ADGRB3: variants seen among roughly 807,000 people sequenced by gnomAD.
ADGRB3 encodes the protein brain-specific angiogenesis inhibitor 3.
Under a neutral mutation model 193.4 loss-of-function variants are expected in ADGRB3, and 37 were observed. The ratio of observed to expected loss-of-function variants is 0.19; its 90% CI spans 0.15 to 0.25. The LOEUF (loss-of-function observed/expected upper bound fraction) is 0.25, where lower values mean the gene tolerates loss of function less well. Among genes scored for constraint, ADGRB3 ranks in the 10% least tolerant of loss-of-function variants. The pLI is 1.00. For synonymous variants in ADGRB3, 690 were observed against 644.2 expected (o/e 1.07, Z -1.08); for missense variants, 1,637 against 1,852.9 (o/e 0.88, Z 2.14).
rs184009691 is a variant in ADGRB3 at position 68,964,969 on chromosome 6, C to T, written c.1525+8160C>T. Reference sequence around the variant, plus strand: ...GAATGGACTCAACTATTTGATTGACCATAGGTCCATCATCTCTTAGCTTAG... The same window carrying T: ...GAATGGACTCAACTATTTGATTGACTATAGGTCCATCATCTCTTAGCTTAG... On this transcript the variant is annotated intron_variant, in intron 8 of 31. Coordinates refer to ENST00000370598, the MANE Select transcript of ADGRB3 (RefSeq NM_001704.3). Among the ~76,000 whole-genome samples, 364 of 152,182 alleles carry T rather than the reference C, an allele frequency of 2.4e-3. 12 individuals carry two copies. The highest frequency in any genetic ancestry group is 0.019 in the Admixed American group (288 of 15,278).
At chr6:69,202,345 G>T (rs1368999569) in intron 17 of ADGRB3, among the ~76,000 whole-genome samples, 1 of 152,086 alleles carries the variant, frequency 6.6e-6, no homozygotes. Context: ...ATATGCTGAA[G>T]TGGATCCTGA....
intron 17 of ADGRB3, among the ~76,000 whole-genome samples, chr6:69,119,820 G>A (rs1773635018): frequency 6.6e-6 from 1 of 152,140 alleles, no homozygotes; most frequent in Admixed American, 6.5e-5. Flanking sequence ...CTCTGAAAAA[G>A]TGAAAAGTCA....
Position 68,698,641 on chromosome 6 carries a change from C to G in ADGRB3, c.757+59209C>G, listed in dbSNP as rs192489773. Among the ~76,000 whole-genome samples, 493 of 151,912 alleles carry G rather than the reference C, an allele frequency of 3.2e-3. 3 individuals carry two copies. Among genetic ancestry groups the G allele is most frequent in the African/African-American group, 0.011 (471 of 41,450 alleles). On this transcript the variant is annotated intron_variant, in intron 3 of 31. Coordinates refer to ENST00000370598, the MANE Select transcript of ADGRB3 (RefSeq NM_001704.3). ...TGAGAGTTAGTAATGAGCACAGGAGCCTTTAAAAAATGAACCTGGTAATTT... is the reference window on the plus strand; with the variant it reads ...TGAGAGTTAGTAATGAGCACAGGAGGCTTTAAAAAATGAACCTGGTAATTT...
intron 17 of ADGRB3, among the ~76,000 whole-genome samples, chr6:69,164,114 C>G (rs567171055): frequency 6.6e-6 from 1 of 152,134 alleles, no homozygotes; most frequent in South Asian, 2.1e-4. Context: ...AAAGGAGTCA[C>G]CCTTCTCTTC....
intron 20 of ADGRB3, among the ~76,000 whole-genome samples, chr6:69,267,195 C>T (rs1359427954): frequency 6.6e-6 from 1 of 152,014 alleles, no homozygotes; most frequent in Non-Finnish European, 1.5e-5. Flanking sequence ...CCCTTTTGAT[C>T]AAGATCTTTC....
rs1770020189 is a variant in ADGRB3 at position 69,014,073 on chromosome 6, A to G, written c.1965A>G (p.Glu655=). 1 of 1,604,818 alleles carries G rather than the reference A, an allele frequency of 6.2e-7. No homozygotes were observed. Among genetic ancestry groups the G allele is most frequent in the African/African-American group, 1.3e-5 (1 of 74,544 alleles). ...AAATAGTTAGCAACCTTCTAGATGA[A>G]GAAAACAAGGAAAAATGGGAAGATG... ...FFQIVSNLLD[E]ENKEKWEDAQ... is the part of the protein sequence containing the mutation. The change falls in exon 12 of 32, where the codon GAA becomes GAG. Residue 655 remains glutamate (E), a synonymous_variant. Transcript: ENST00000370598.
intron 3 of ADGRB3, among the ~76,000 whole-genome samples, chr6:68,843,059 A>AAC (rs917624532): frequency 4.2e-4 from 63 of 151,382 alleles, no homozygotes; most frequent in African/African-American, 1.4e-3. Context: ...AACAAAAAAA[A>AAC]AAACAGGAAA....
intron 3 of ADGRB3, among the ~76,000 whole-genome samples, chr6:68,880,028 G>T (rs1433730690): frequency 6.6e-6 from 1 of 152,142 alleles, no homozygotes; most frequent in Non-Finnish European, 1.5e-5. Context: ...TAATAAAATA[G>T]AATTTTGTGT....
intron 13 of ADGRB3, among the ~76,000 whole-genome samples, chr6:69,026,690 C>T (rs892501536): frequency 5.3e-5 from 8 of 152,168 alleles, no homozygotes; most frequent in Non-Finnish European, 7.3e-5. Flanking sequence ...GCCTATTACA[C>T]GTCTAGGCTA....
chr6:68,685,168 A>C (rs768185590), intron 3 of ADGRB3, among the ~76,000 whole-genome samples: 3 of 152,142 alleles, frequency 2.0e-5, no homozygotes, highest in Non-Finnish European at 4.4e-5. Context: ...TTTACTCCTA[A>C]ATAAGTTAAG....
chr6:68,767,151 A>T (rs978804161), intron 3 of ADGRB3, among the ~76,000 whole-genome samples: 6 of 152,118 alleles, frequency 3.9e-5, no homozygotes, highest in African/African-American at 1.4e-4. Context: ...CATTTGTATA[A>T]GTATCTTTAT....
intron 17 of ADGRB3, among the ~76,000 whole-genome samples, chr6:69,137,056 CTTTT>C (rs71548125): frequency 3.7e-5 from 3 of 80,114 alleles, no homozygotes; most frequent in Non-Finnish European, 2.4e-5. Context: ...TCTTTTCTTT[CTTTT>C]TTTTTTTTTT....
At chr6:69,089,336 A>G (rs1159405843) in intron 17 of ADGRB3, among the ~76,000 whole-genome samples, 1 of 152,216 alleles carries the variant, frequency 6.6e-6, no homozygotes, top group African/African-American at 2.4e-5. Context: ...GACTTTATAA[A>G]GAAAGAGTAC....
intron 20 of ADGRB3, among the ~76,000 whole-genome samples, chr6:69,241,673 T>C (rs1464025246): frequency 6.6e-6 from 1 of 151,976 alleles, no homozygotes; most frequent in Non-Finnish European, 1.5e-5. Flanking sequence ...TCATTTCTTA[T>C]TTTGAGGAAG....
At chr6:68,819,677 C>T (rs141081591) in intron 3 of ADGRB3, among the ~76,000 whole-genome samples, 272 of 152,150 alleles carry the variant, frequency 1.8e-3, no homozygotes, top group African/African-American at 6.2e-3. Flanking sequence ...TGGAAATGTA[C>T]TTCTTCTTTT....
intron 17 of ADGRB3, among the ~76,000 whole-genome samples, chr6:69,229,411 T>C (rs1219163706): frequency 1.3e-5 from 2 of 152,154 alleles, no homozygotes; most frequent in Non-Finnish European, 2.9e-5. Flanking sequence ...ACACATACAA[T>C]GTGAGGGTAG....
intron 11 of ADGRB3, among the ~76,000 whole-genome samples, chr6:68,994,729 A>G (rs761290743): frequency 1.3e-5 from 2 of 152,218 alleles, no homozygotes; most frequent in East Asian, 1.9e-4. Context: ...CATTTTCAGC[A>G]TAATGTTCTT....
At chr6:68,652,279 C>G (rs750987523) in intron 3 of ADGRB3, among the ~76,000 whole-genome samples, 11 of 152,134 alleles carry the variant, frequency 7.2e-5, no homozygotes, top group Non-Finnish European at 1.6e-4. Context: ...TAGCACAGAC[C>G]TTAGTGTCAT....
intron 26 of ADGRB3, among the ~76,000 whole-genome samples, chr6:69,349,139 T>A (rs1028957287): frequency 1.3e-5 from 2 of 152,216 alleles, no homozygotes; most frequent in African/African-American, 4.8e-5. Flanking sequence ...GGCATGAGGC[T>A]GAAATGAAAT....
Sources: allele counts gnomAD v4.1 joint callset (sites outside exome capture counted in the v4.1 genomes callset), GRCh38; gene constraint gnomAD v4.1.1; transcripts MANE v1.5; gene names NCBI Gene and HGNC (gene_info 2026-07-23, HGNC 2026-07-21).